HDAC9: variants seen among roughly 807,000 people sequenced by gnomAD.
The protein encoded by HDAC9 is MEF-2 interacting transcription repressor (MITR) protein.
A neutral mutation model predicts 139.4 loss-of-function variants in HDAC9; 41 were observed. That is an observed-to-expected ratio of 0.29 (90% CI 0.23 to 0.38). HDAC9 has a LOEUF of 0.38. HDAC9 is among the 10% of genes least tolerant of loss of function. The pLI, the probability that HDAC9 is intolerant of heterozygous loss-of-function variation, is 1.00. For missense variants in HDAC9, 1,147 were observed against 1,297.0 expected (o/e 0.88, Z 1.78); for synonymous variants, 517 against 476.2 (o/e 1.09, Z -1.12).
At chr7:18,746,735 T>A (rs373948924) in intron 13 of HDAC9, among the ~76,000 whole-genome samples, 7 of 152,340 alleles carry the variant, frequency 4.6e-5, no homozygotes, top group African/African-American at 1.7e-4. Flanking sequence ...GAGGACCGGC[T>A]TTATTTAAGC....
chr7:18,189,063 A>G lies in HDAC9; in HGVS notation c.25+26714A>G, dbSNP rs564722684. Among the ~76,000 whole-genome samples, 10 of 152,286 alleles carry G rather than the reference A, an allele frequency of 6.6e-5. No individual in the cohort carries two copies. In the East Asian group the frequency reaches 1.3e-3, roughly 21 times the overall value. On this transcript the variant is annotated intron_variant, in intron 2 of 12. Transcript: ENST00000417496. ...GTACATGTATGTTTATTGCAGCACT[A>G]TTTACAATAGCAAAGACATGGAACC... is the stretch of plus-strand genomic sequence containing the variant.
upstream of HDAC9, among the ~76,000 whole-genome samples, chr7:18,285,450 C>G (rs879767047): frequency 4.6e-5 from 7 of 151,974 alleles, no homozygotes; most frequent in Non-Finnish European, 1.0e-4. Context: ...AAATCACTAT[C>G]CACATCCTTG....
At chr7:18,494,855 A>G (rs1243138475), upstream of HDAC9, among the ~76,000 whole-genome samples, 1 of 152,088 alleles carries the variant, frequency 6.6e-6, no homozygotes, top group Admixed American at 6.6e-5. Context: ...ATCCATAAGA[A>G]ATCAGACTAC....
intron 6 of HDAC9, among the ~76,000 whole-genome samples, chr7:18,598,951 A>C (rs1366851722): frequency 6.6e-6 from 1 of 152,172 alleles, no homozygotes; most frequent in Non-Finnish European, 1.5e-5. Flanking sequence ...CTGAGGAGGG[A>C]GGATTGCTTG....
At chr7:18,863,693 A>T (rs1798277018) in intron 21 of HDAC9, among the ~76,000 whole-genome samples, 2 of 152,186 alleles carry the variant, frequency 1.3e-5, no homozygotes, top group South Asian at 4.1e-4. Flanking sequence ...TAAGTAAATC[A>T]TGTATGACTT....
At chr7:18,473,511 C>A (rs1219508823) in intron 1 of HDAC9, among the ~76,000 whole-genome samples, 1 of 152,224 alleles carries the variant, frequency 6.6e-6, no homozygotes, top group Non-Finnish European at 1.5e-5. Flanking sequence ...GATGCACAGA[C>A]AAGGGACTGC....
intron 1 of HDAC9, among the ~76,000 whole-genome samples, chr7:18,470,754 C>G (rs1009880570): frequency 2.2e-4 from 33 of 152,156 alleles, no homozygotes; most frequent in African/African-American, 7.0e-4. Flanking sequence ...CCATAGTTTG[C>G]CCCACCCCTG....
At chr7:18,639,411 C>T (rs1444785093) in intron 8 of HDAC9, among the ~76,000 whole-genome samples, 2 of 151,988 alleles carry the variant, frequency 1.3e-5, no homozygotes, top group African/African-American at 4.8e-5. Flanking sequence ...AACAAAACAT[C>T]AGTGCCTTTC....
At chr7:18,634,525 C>A in intron 7 of HDAC9, 102 bp from the exon 8 acceptor site, 2 of 700,826 alleles carry the variant, frequency 2.9e-6, no homozygotes, top group Non-Finnish European at 4.8e-6. Context: ...CTTGCATTTA[C>A]ATAGGGGGAA....
At chr7:18,854,230 A>G (rs1458206054) in intron 21 of HDAC9, among the ~76,000 whole-genome samples, 1 of 152,164 alleles carries the variant, frequency 6.6e-6, no homozygotes, top group Non-Finnish European at 1.5e-5. Context: ...CTTGGCAGAT[A>G]GTTGCTAATA....
At chr7:18,840,932 G>T (rs1796544313) in intron 21 of HDAC9, among the ~76,000 whole-genome samples, 1 of 151,946 alleles carries the variant, frequency 6.6e-6, no homozygotes, top group Non-Finnish European at 1.5e-5. Flanking sequence ...TGTAGAAAGG[G>T]CATTTAACTC....
intron 1 of HDAC9, among the ~76,000 whole-genome samples, chr7:18,156,818 T>G (rs1348782243): frequency 6.6e-6 from 1 of 152,202 alleles, no homozygotes; most frequent in Non-Finnish European, 1.5e-5. Context: ...CTCATTTCAG[T>G]ATGGCTTTAA....
At chr7:18,320,205 C>T (rs1251791698) in intron 1 of HDAC9, among the ~76,000 whole-genome samples, 1 of 152,188 alleles carries the variant, frequency 6.6e-6, no homozygotes, top group Non-Finnish European at 1.5e-5. Flanking sequence ...TTCCTTTTAT[C>T]TGCTTATGAG....
intron 24 of HDAC9, among the ~76,000 whole-genome samples, chr7:18,957,689 CGCAACT>C (rs1446973039): frequency 1.3e-5 from 2 of 152,136 alleles, no homozygotes; most frequent in Non-Finnish European, 1.5e-5. Context: ...TGGGGCGCTT[CGCAACT>C]GCACAGGTAA....
intron 22 of HDAC9, among the ~76,000 whole-genome samples, chr7:18,909,098 G>A (rs1802524238): frequency 6.6e-6 from 1 of 152,008 alleles, no homozygotes; most frequent in African/African-American, 2.4e-5. Flanking sequence ...TAACCGGGGT[G>A]AAGCAAGATC....
chr7:18,416,600 G>A (rs1304016586), intron 1 of HDAC9, among the ~76,000 whole-genome samples: 2 of 151,820 alleles, frequency 1.3e-5, no homozygotes, highest in Non-Finnish European at 2.9e-5. Flanking sequence ...GGGCTGTTAC[G>A]GTTATTTATT....
intron 11 of HDAC9, among the ~76,000 whole-genome samples, chr7:18,651,809 C>G (rs1363653610): frequency 6.6e-6 from 1 of 152,000 alleles, no homozygotes; most frequent in African/African-American, 2.4e-5. Context: ...TTGCCTCTTA[C>G]AGTTACGGTG....
intron 1 of HDAC9, among the ~76,000 whole-genome samples, chr7:18,294,719 C>T (rs561306043): frequency 3.6e-4 from 55 of 152,054 alleles, no homozygotes; most frequent in African/African-American, 1.2e-3. Context: ...AGTTGCATGA[C>T]CTGAATAATA....
chr7:18,427,927 T>C (rs763186419), intron 1 of HDAC9, among the ~76,000 whole-genome samples: 44 of 152,248 alleles, frequency 2.9e-4, no homozygotes, highest in Admixed American at 1.5e-3. Context: ...ACTATTCTGT[T>C]CTTTGCTTTT....
Sources: allele counts gnomAD v4.1 joint callset (sites outside exome capture counted in the v4.1 genomes callset), GRCh38; gene constraint gnomAD v4.1.1; transcripts MANE v1.5; gene names NCBI Gene and HGNC (gene_info 2026-07-23, HGNC 2026-07-21).